Variants in PRPF18 observed in about 807,000 individuals in gnomAD.
PRPF18 encodes the protein pre-mRNA processing factor 18.
In PRPF18, 38 loss-of-function variants were observed where a neutral mutation model predicts 46.5. The observed-to-expected ratio is 0.82, with a 90% CI of 0.63 to 1.07. The LOEUF is 1.07. Ranked by LOEUF, PRPF18 falls within the 50% of genes least tolerant of loss-of-function variation. The pLI is 0.00. For synonymous variants in PRPF18, 152 were observed against 146.7 expected (o/e 1.04, Z -0.26); for missense variants, 263 against 410.0 (o/e 0.64, Z 3.10).
chr10:13,653,650 G>A, the PRPF18 span, among the ~76,000 whole-genome samples: 1 of 152,130 alleles, frequency 6.6e-6, no homozygotes, highest in Non-Finnish European at 1.5e-5. Context: ...CCGAGGAAGG[G>A]GCCTCCTTAA....
chr10:13,597,586 A>C (rs2080053784), intron 2 of PRPF18, 51 bp downstream of exon 2: 1 of 1,598,160 alleles, frequency 6.3e-7, no homozygotes, highest in Non-Finnish European at 8.6e-7. Flanking sequence ...GTTTAAATTT[A>C]TACAGCTGTT....
At chr10:13,608,078 T>C (rs184286967) in intron 4 of PRPF18, among the ~76,000 whole-genome samples, 1 of 152,358 alleles carries the variant, frequency 6.6e-6, no homozygotes, top group Admixed American at 6.5e-5. Flanking sequence ...AGTGTTTGTT[T>C]ATTTATTATA....
At chr10:13,620,390 A>G (rs890522989) in intron 9 of PRPF18, among the ~76,000 whole-genome samples, 1 of 152,214 alleles carries the variant, frequency 6.6e-6, no homozygotes, top group Non-Finnish European at 1.5e-5. Flanking sequence ...TATGAAAATC[A>G]TTTAATAATT....
intron 9 of PRPF18, among the ~76,000 whole-genome samples, chr10:13,619,053 C>T (rs976786088): frequency 1.3e-5 from 2 of 152,296 alleles, no homozygotes; most frequent in South Asian, 2.1e-4. Context: ...CATGCAACCT[C>T]GATCCCTCAC....
intron 9 of PRPF18, among the ~76,000 whole-genome samples, chr10:13,621,197 C>G (rs768117496): frequency 2.0e-5 from 3 of 152,156 alleles, no homozygotes; most frequent in Non-Finnish European, 1.5e-5. Flanking sequence ...AAATGCATGT[C>G]AAAGAGCTGT....
At chr10:13,635,748 G>A (rs1218687958), downstream of PRPF18, among the ~76,000 whole-genome samples, 1 of 152,008 alleles carries the variant, frequency 6.6e-6, no homozygotes, top group Non-Finnish European at 1.5e-5. Context: ...GGAGTTGTTT[G>A]GAAAACCACC....
chr10:13,599,845 C>T (rs1049913097), intron 2 of PRPF18, among the ~76,000 whole-genome samples: 1 of 152,116 alleles, frequency 6.6e-6, no homozygotes, highest in Non-Finnish European at 1.5e-5. Flanking sequence ...ATTTTGAAGC[C>T]GAGCAAGAAT....
chr10:13,613,961 T>C, intron 7 of PRPF18, 54 bp from the exon 8 acceptor site: 2 of 1,554,830 alleles, frequency 1.3e-6, no homozygotes, highest in Non-Finnish European at 1.7e-6. Context: ...GTCTGTTTTT[T>C]CCCTATACAT....
chr10:13,646,318 ATGTTTT>A, the PRPF18 span: 1 of 152,558 alleles, frequency 6.6e-6, no homozygotes, highest in South Asian at 2.1e-4. Flanking sequence ...TTAATTTTTT[ATGTTTT>A]TATTTATTTT....
At chr10:13,616,634 A>G in intron 9 of PRPF18, 81 bp downstream of exon 9, 1 of 1,529,724 alleles carries the variant, frequency 6.5e-7, no homozygotes, top group Non-Finnish European at 9.0e-7. Context: ...GAAAGCAGGC[A>G]GAGAATTACA....
the PRPF18 span, chr10:13,654,504 G>A: frequency 1.9e-6 from 3 of 1,611,320 alleles, no homozygotes; most frequent in East Asian, 2.2e-5. Flanking sequence ...TGGCTTTGAG[G>A]TAAGGCAGCT....
At chr10:13,639,386 A>G in the PRPF18 span, 1 of 152,240 alleles carries the variant, frequency 6.6e-6, no homozygotes, top group Non-Finnish European at 1.5e-5. Flanking sequence ...AGTATCTGTT[A>G]TAGATGTGAA....
intron 4 of PRPF18, among the ~76,000 whole-genome samples, chr10:13,608,298 C>T (rs1473562734): frequency 6.6e-6 from 1 of 152,216 alleles, no homozygotes; most frequent in African/African-American, 2.4e-5. Context: ...CTGGACTGGT[C>T]TTCTAAGCTG....
intron 9 of PRPF18, among the ~76,000 whole-genome samples, chr10:13,619,513 T>C (rs2080394043): frequency 6.6e-6 from 1 of 152,206 alleles, no homozygotes. Flanking sequence ...TCTCATTCTT[T>C]TCTGCCATTT....
At position 13,587,054 on chromosome 10, in the gene PRPF18, G is replaced by A. The variant is rs555406056; in HGVS notation, c.-33G>A. 3.2e-5 allele frequency: 51 copies of A among 1,609,290 alleles called. No individual in the cohort carries two copies. The highest frequency in any genetic ancestry group is 1.5e-4 in the South Asian group (14 of 91,000). On this transcript the variant is annotated 5_prime_UTR_variant, in exon 1 of 10. Transcript: ENST00000378572. ...GTGAGGCTGGGTTCGAGGAGCTGGA[G>A]CGGGAAACTGGAGCTTAAATTCTGG...
chr10:13,624,948 A>C (rs184984111), intron 9 of PRPF18, among the ~76,000 whole-genome samples: 157 of 152,384 alleles, frequency 1.0e-3, no homozygotes, highest in African/African-American at 3.7e-3. Context: ...AGTCTCCAAC[A>C]TGAAAACAGA....
intron 9 of PRPF18, among the ~76,000 whole-genome samples, chr10:13,625,994 A>G (rs2080498148): frequency 1.3e-5 from 2 of 152,250 alleles, no homozygotes; most frequent in African/African-American, 2.4e-5. Context: ...TACAGCCACA[A>G]TATGAGATGG....
At chr10:13,617,418 A>C (rs1191684930) in intron 9 of PRPF18, among the ~76,000 whole-genome samples, 3 of 152,194 alleles carry the variant, frequency 2.0e-5, no homozygotes, top group African/African-American at 7.2e-5. Flanking sequence ...AGCTTTTTAA[A>C]ATATGATTTC....
At chr10:13,645,472 A>T in the PRPF18 span, 1 of 152,578 alleles carries the variant, frequency 6.6e-6, no homozygotes, top group African/African-American at 2.4e-5. Context: ...TTACTATAAA[A>T]GTATTTTTGA....
Sources: allele counts gnomAD v4.1 joint callset (sites outside exome capture counted in the v4.1 genomes callset), GRCh38; gene constraint gnomAD v4.1.1; transcripts MANE v1.5; gene names NCBI Gene and HGNC (gene_info 2026-07-23, HGNC 2026-07-21).